HYDIN: variants seen among roughly 807,000 people sequenced by gnomAD.
The protein encoded by HYDIN is axonemal central pair apparatus protein HYDIN.
HYDIN carries 132 observed loss-of-function variants against 403.9 expected under a neutral mutation model. That is an observed-to-expected ratio of 0.33 (90% CI 0.28 to 0.38). The LOEUF (loss-of-function observed/expected upper bound fraction) is 0.38. Among genes scored for constraint, HYDIN ranks in the 10% least tolerant of loss-of-function variants. The pLI is 1.00. For synonymous variants in HYDIN, 1,202 were observed against 1,891.7 expected (o/e 0.64, Z 9.46); for missense variants, 2,827 against 5,009.5 (o/e 0.56, Z 13.15).
chr16:71,096,345 T>C (rs1425921352), intron 10 of HYDIN, among the ~76,000 whole-genome samples: 2 of 152,182 alleles, frequency 1.3e-5, no homozygotes, highest in Non-Finnish European at 2.9e-5. Flanking sequence ...CTAGGCATGG[T>C]TGCATTTATC....
chr16:70,991,972 T>C, intron 24 of HYDIN, 98 bp downstream of exon 24: 1 of 1,581,100 alleles, frequency 6.3e-7, no homozygotes. Flanking sequence ...GACTGGGTAC[T>C]GGATGAATGA....
intron 43 of HYDIN, among the ~76,000 whole-genome samples, chr16:70,939,398 C>T (rs959439360): frequency 7.9e-5 from 12 of 152,188 alleles, no homozygotes; most frequent in African/African-American, 2.7e-4. Context: ...TTCTCATTTT[C>T]CCCATTATCT....
intron 41 of HYDIN, among the ~76,000 whole-genome samples, chr16:70,946,764 G>A (rs1021388642): frequency 2.0e-5 from 3 of 152,146 alleles, no homozygotes; most frequent in Non-Finnish European, 2.9e-5. Context: ...TATGGGTAGC[G>A]GTGAACAATG....
At chr16:71,021,653 T>A (rs1490271374) in intron 21 of HYDIN, among the ~76,000 whole-genome samples, 3 of 152,078 alleles carry the variant, frequency 2.0e-5, no homozygotes, top group Non-Finnish European at 2.9e-5. Flanking sequence ...TTCTTTAGTA[T>A]CATCAGGGGG....
intron 1 of HYDIN, among the ~76,000 whole-genome samples, chr16:71,223,082 G>A (rs940491275): frequency 2.6e-5 from 4 of 152,118 alleles, no homozygotes; most frequent in African/African-American, 9.7e-5. Context: ...TATACTACAA[G>A]GTTATAGTTA....
intron 1 of HYDIN, among the ~76,000 whole-genome samples, chr16:71,197,211 T>A (rs552860839): frequency 6.6e-6 from 1 of 152,310 alleles, no homozygotes; most frequent in East Asian, 1.9e-4. Flanking sequence ...GGATATGCTA[T>A]TTGTTCTGTT....
chr16:70,936,784 G>A (rs2143863994), intron 44 of HYDIN, among the ~76,000 whole-genome samples: 1 of 148,872 alleles, frequency 6.7e-6, no homozygotes, highest in African/African-American at 2.4e-5. Flanking sequence ...CTCCTACCTT[G>A]ACCTCCCAAA....
intron 76 of HYDIN, among the ~76,000 whole-genome samples, chr16:70,838,191 T>C (rs1264338753): frequency 6.6e-6 from 1 of 152,100 alleles, no homozygotes; most frequent in East Asian, 1.9e-4. Context: ...TCTTTCTTTC[T>C]TTCTTTCTTT....
At chr16:71,217,603 A>T (rs531310537) in intron 1 of HYDIN, among the ~76,000 whole-genome samples, 2 of 152,298 alleles carry the variant, frequency 1.3e-5, no homozygotes, top group Non-Finnish European at 2.9e-5. Context: ...TGAGAAGTTG[A>T]ACCTGACCTA....
chr16:70,992,124 G>A lies in HYDIN; in HGVS notation c.3731C>T (p.Pro1244Leu), dbSNP rs747208424. 1 of 1,612,872 alleles carries A rather than the reference G, an allele frequency of 6.2e-7. No individual in the cohort carries two copies. Among genetic ancestry groups the A allele is most frequent in the Admixed American group, 1.7e-5 (1 of 59,792 alleles). The change falls in exon 24 of 86, where the codon CCA (proline) becomes CTA (leucine). Residue 1244 changes from proline to leucine, a missense_variant. Pro to Leu is a moderately conservative substitution (Grantham distance 98). Coordinates refer to ENST00000393567, the MANE Select transcript of HYDIN (RefSeq NM_001270974.2). ...IPATSEAASP[P>L]AILVTVESPE... is the part of the protein sequence containing the mutation. ...GGACTCTACTGTAACTAGGATTGCTGGTGGGCTGGCAGCCTCTGAGGTTGC... is the reference window on the plus strand; with the variant it reads ...GGACTCTACTGTAACTAGGATTGCTAGTGGGCTGGCAGCCTCTGAGGTTGC...
intron 12 of HYDIN, among the ~76,000 whole-genome samples, chr16:71,087,222 T>C (rs962118383): frequency 2.0e-5 from 3 of 152,272 alleles, no homozygotes; most frequent in African/African-American, 7.2e-5. Context: ...TTGTATGACT[T>C]TGCTAGGGCT....
intron 23 of HYDIN, among the ~76,000 whole-genome samples, chr16:71,010,148 T>C (rs2080030976): frequency 6.9e-6 from 1 of 144,672 alleles, no homozygotes; most frequent in South Asian, 2.4e-4. Context: ...AAATAGGCTG[T>C]GGCCCCTGAT....
intron 60 of HYDIN, among the ~76,000 whole-genome samples, chr16:70,881,350 C>T (rs1218694730): frequency 1.4e-5 from 2 of 142,708 alleles, no homozygotes; most frequent in Admixed American, 6.8e-5. Flanking sequence ...GGCTCATGCC[C>T]GTAATCCCAG....
chr16:71,153,290 G>A (rs951841437), intron 6 of HYDIN, among the ~76,000 whole-genome samples: 4 of 152,182 alleles, frequency 2.6e-5, no homozygotes, highest in Non-Finnish European at 5.9e-5. Context: ...GCCCCAAAAG[G>A]AAAGGGATAG....
intron 8 of HYDIN, among the ~76,000 whole-genome samples, chr16:71,135,129 G>A (rs2084865712): frequency 6.6e-6 from 1 of 151,662 alleles, no homozygotes; most frequent in African/African-American, 2.4e-5. Context: ...ATAAAATCAG[G>A]TTTCCAATCA....
chr16:71,084,934 T>A (rs2082889700), intron 12 of HYDIN, among the ~76,000 whole-genome samples: 1 of 151,290 alleles, frequency 6.6e-6, no homozygotes, highest in Admixed American at 6.6e-5. Context: ...CAACCTTTCA[T>A]CATTCAGGAT....
chr16:71,224,783 G>A (rs1351718935), intron 1 of HYDIN, among the ~76,000 whole-genome samples: 2 of 151,686 alleles, frequency 1.3e-5, no homozygotes, highest in South Asian at 2.1e-4. Context: ...GGATGGTCTC[G>A]ATCTCCTGAC....
At chr16:71,201,255 G>C (rs1343674328) in intron 1 of HYDIN, among the ~76,000 whole-genome samples, 1 of 152,162 alleles carries the variant, frequency 6.6e-6, no homozygotes, top group Non-Finnish European at 1.5e-5. Context: ...TGTTATACAT[G>C]CCTTGCATAG....
chr16:71,003,306 A>C (rs1432227262), intron 23 of HYDIN, among the ~76,000 whole-genome samples: 1 of 152,256 alleles, frequency 6.6e-6, no homozygotes, highest in Admixed American at 6.5e-5. Flanking sequence ...ACTCTGGGGA[A>C]AAATGACATC....
Sources: allele counts gnomAD v4.1 joint callset (sites outside exome capture counted in the v4.1 genomes callset), GRCh38; gene constraint gnomAD v4.1.1; transcripts MANE v1.5; gene names NCBI Gene and HGNC (gene_info 2026-07-23, HGNC 2026-07-21).